The following BMPR1B variants were observed in gnomAD, a reference collection of about 807,000 sequenced individuals.
BMPR1B encodes the protein bone morphogenetic protein receptor type 1B.
BMPR1B carries 12 observed loss-of-function variants against 59.1 expected under a neutral mutation model. The ratio of observed to expected loss-of-function variants is 0.20; its 90% CI spans 0.13 to 0.33. The LOEUF is 0.33. Ranked by LOEUF, BMPR1B falls within the 10% of genes least tolerant of loss-of-function variation. The pLI is 1.00. For synonymous variants in BMPR1B, 237 were observed against 207.3 expected, an observed-to-expected ratio of 1.14 and a Z score of -1.23; for missense variants, 550 against 610.9, an observed-to-expected ratio of 0.90 and a Z score of 1.05.
At chr4:95,149,238 C>T (rs1160771253) in intron 11 of BMPR1B, among the ~76,000 whole-genome samples, 4 of 152,122 alleles carry the variant, frequency 2.6e-5, no homozygotes, top group Non-Finnish European at 4.4e-5. Flanking sequence ...TCGATGAAAT[C>T]AAACCCCCTT....
At chr4:94,983,647 A>G (rs903012704) in intron 2 of BMPR1B, among the ~76,000 whole-genome samples, 9 of 152,212 alleles carry the variant, frequency 5.9e-5, no homozygotes, top group African/African-American at 1.9e-4. Context: ...CTCCAAAGCC[A>G]TATTTTGGTC....
intron 1 of BMPR1B, among the ~76,000 whole-genome samples, chr4:94,786,311 A>AAAT (rs760480063): frequency 5.9e-5 from 9 of 152,212 alleles, no homozygotes; most frequent in Non-Finnish European, 1.3e-4. Context: ...AAAGGGGTCA[A>AAAT]AATTCATAGT....
At chr4:95,003,785 T>C (rs967455236) in intron 3 of BMPR1B, among the ~76,000 whole-genome samples, 4 of 150,158 alleles carry the variant, frequency 2.7e-5, no homozygotes, top group African/African-American at 9.8e-5. Context: ...TAAACTTGGA[T>C]ATGACCAAAG....
chr4:95,026,548 A>C (rs370851622), intron 3 of BMPR1B, among the ~76,000 whole-genome samples: 3 of 152,052 alleles, frequency 2.0e-5, no homozygotes, highest in South Asian at 4.1e-4. Flanking sequence ...GTTTTCCCTT[A>C]ATGTTTAAAT....
chr4:95,027,251 A>AT (rs1397075030), intron 3 of BMPR1B, among the ~76,000 whole-genome samples: 3 of 152,108 alleles, frequency 2.0e-5, no homozygotes, highest in Non-Finnish European at 4.4e-5. Context: ...AATTAGCTTA[A>AT]TTTTTTCTTT....
intron 3 of BMPR1B, among the ~76,000 whole-genome samples, chr4:95,087,002 T>C (rs1437046552): frequency 0.01 from 1,360 of 131,828 alleles, 29 homozygotes; most frequent in African/African-American, 0.027. Flanking sequence ...ATCCTTCTTT[T>C]TTTTTTTTTT....
intron 4 of BMPR1B, among the ~76,000 whole-genome samples, chr4:95,107,838 A>G (rs897542606): frequency 1.3e-5 from 2 of 152,038 alleles, no homozygotes; most frequent in African/African-American, 4.8e-5. Context: ...TATTTTCCTA[A>G]TGAAGTATTG....
At chr4:94,827,401 A>G (rs1724422048) in intron 1 of BMPR1B, among the ~76,000 whole-genome samples, 1 of 152,192 alleles carries the variant, frequency 6.6e-6, no homozygotes, top group Non-Finnish European at 1.5e-5. Flanking sequence ...ATATGTATAT[A>G]AAGTGTATAT....
chr4:95,137,180 AT>A (rs933846826), intron 10 of BMPR1B, among the ~76,000 whole-genome samples: 2 of 152,210 alleles, frequency 1.3e-5, no homozygotes, highest in Non-Finnish European at 2.9e-5. Flanking sequence ...CCCAGTAGTC[AT>A]TCAGGAGCAG....
chr4:95,048,856 A>T (rs577946475), intron 3 of BMPR1B, among the ~76,000 whole-genome samples: 1 of 152,312 alleles, frequency 6.6e-6, no homozygotes, highest in Admixed American at 6.5e-5. Flanking sequence ...TTTTTGAACC[A>T]AGTAGTCAGG....
intron 2 of BMPR1B, among the ~76,000 whole-genome samples, chr4:94,963,655 T>G (rs1282026436): frequency 6.6e-6 from 1 of 152,128 alleles, no homozygotes; most frequent in Non-Finnish European, 1.5e-5. Context: ...AGACTATAAA[T>G]TGTGGAACTA....
At position 95,116,419 on chromosome 4, in the gene BMPR1B, G is replaced by T. The variant is rs930495296; in HGVS notation, c.349+632G>T. Among the ~76,000 whole-genome samples the T allele has an allele frequency of 2.2e-4, 11 of 51,150 alleles. No homozygotes were observed. The South Asian group carries it at 6.9e-3, about 32-fold the overall frequency. The allele number at this position is 51,150 out of a possible 152,430, so 33.6% of individuals were successfully genotyped here. A position where few individuals can be genotyped will look rare whatever the true frequency, so the allele number is the denominator to read the frequency against. Reference sequence around the variant, plus strand: ...TTCTCCTCCTCCATGCTTTCAGCGCGCGCACACACACACACACACACACAC... The same window carrying T: ...TTCTCCTCCTCCATGCTTTCAGCGCTCGCACACACACACACACACACACAC... On this transcript the variant is annotated intron_variant, in intron 6 of 12. Coordinates refer to ENST00000515059, the MANE Select transcript of BMPR1B (RefSeq NM_001203.3).
chr4:94,843,839 A>T (rs1222832122), intron 1 of BMPR1B, among the ~76,000 whole-genome samples: 1 of 151,994 alleles, frequency 6.6e-6, no homozygotes, highest in Non-Finnish European at 1.5e-5. Context: ...TTGGGTACTC[A>T]CCTCCTGCTC....
Position 94,990,676 on chromosome 4 carries a change from TTTGTTG to T in BMPR1B, c.-112-5340_-112-5335del, listed in dbSNP as rs34003455. ...CTCAACCTCTATGCTGGAATGAGGT[TTTGTTG>T]TTGTTGTTGTTGTTGTTGTTGTTTT... is the stretch of plus-strand genomic sequence containing the variant. On this transcript the variant is annotated intron_variant, in intron 2 of 12. Transcript: ENST00000515059. Among the ~76,000 whole-genome samples, 1,190 of 150,104 alleles carry T rather than the reference TTTGTTG, an allele frequency of 7.9e-3. 10 individuals carry two copies. Among genetic ancestry groups the T allele is most frequent in the African/African-American group, 0.027 (1,124 of 40,942 alleles).
In BMPR1B at chr4:95,155,101, T is replaced by C. The variant is rs777747043; in HGVS notation, c.*428T>C. On this transcript the variant is annotated 3_prime_UTR_variant, in exon 13 of 13. Coordinates refer to ENST00000515059, the MANE Select transcript of BMPR1B (RefSeq NM_001203.3). ...TCTGCTGGAAGGTAAATTAAAATAC[T>C]TGTTTTTCCATTGGTAAAATATTGT... is the stretch of plus-strand genomic sequence containing the variant. The C allele has an allele frequency of 1.1e-5, 2 of 180,932 alleles. No individual in the cohort carries two copies. The highest frequency in any genetic ancestry group is 1.2e-4 in the South Asian group (1 of 8,468). The allele number at this position is 180,932 out of a possible 1,614,324, so 11.2% of individuals were successfully genotyped here.
At chr4:94,780,900 G>A (rs1488623904) in intron 1 of BMPR1B, among the ~76,000 whole-genome samples, 4 of 152,002 alleles carry the variant, frequency 2.6e-5, no homozygotes, top group Non-Finnish European at 4.4e-5. Context: ...GTGTTAGCCA[G>A]GATGGTCTCG....
At chr4:95,111,389 T>C (rs990094098) in intron 4 of BMPR1B, among the ~76,000 whole-genome samples, 1 of 152,036 alleles carries the variant, frequency 6.6e-6, no homozygotes, top group African/African-American at 2.4e-5. Context: ...AGTGGAATAA[T>C]AGAATTAAAG....
rs1160226174 is a variant in BMPR1B, at chr4:95,114,756, T to C, written c.180T>C (p.Asp60=). 2 of 1,613,850 alleles carry C rather than the reference T, an allele frequency of 1.2e-6. No individual in the cohort carries two copies. The highest frequency in any genetic ancestry group is 1.7e-6 in the Non-Finnish European group (2 of 1,179,852). ...ATTGTTTCACGATGATAGAAGAGGATGACTCTGGGTTGCCTGTGGTCACTT... is the reference window on the plus strand; with the variant it reads ...ATTGTTTCACGATGATAGAAGAGGACGACTCTGGGTTGCCTGTGGTCACTT... ...DGYCFTMIEE[D]DSGLPVVTSG... Residue 60 remains aspartate (D), a synonymous_variant, in exon 5 of 13, where the codon GAT becomes GAC. Coordinates refer to ENST00000515059, the MANE Select transcript of BMPR1B (RefSeq NM_001203.3).
intron 3 of BMPR1B, among the ~76,000 whole-genome samples, chr4:95,053,912 C>G (rs187715608): frequency 1.3e-5 from 2 of 152,228 alleles, no homozygotes; most frequent in Non-Finnish European, 2.9e-5. Flanking sequence ...GTTAAATATT[C>G]CTTGACAACA....
Sources: gnomAD v4.1 joint callset for allele counts (sites outside exome capture counted in the v4.1 genomes callset) on GRCh38, gnomAD v4.1.1 for gene constraint, MANE v1.5 for transcripts, NCBI Gene and HGNC (gene_info 2026-07-23, HGNC 2026-07-21) for gene names.